Variants in KCNJ6 observed in about 807,000 individuals in gnomAD.
The protein encoded by KCNJ6 is potassium inwardly rectifying channel subfamily J member 6, also known as G protein-activated inward rectifier potassium channel 2.
In KCNJ6, 9 loss-of-function variants were observed where a neutral mutation model predicts 34.2. The observed-to-expected ratio is 0.26, with a 90% CI of 0.16 to 0.46. KCNJ6 has a LOEUF of 0.46. KCNJ6 is among the 20% of genes least tolerant of loss of function. The pLI is 1.00. For synonymous variants in KCNJ6, 196 were observed against 207.1 expected, an observed-to-expected ratio of 0.95 and a Z score of 0.46; for missense variants, 236 against 531.3, an observed-to-expected ratio of 0.44 and a Z score of 5.46.
intron 3 of KCNJ6, among the ~76,000 whole-genome samples, chr21:37,641,601 G>A (rs1475432277): frequency 2.0e-5 from 3 of 152,082 alleles, no homozygotes; most frequent in African/African-American, 7.2e-5. Flanking sequence ...GGGTAAGGGT[G>A]AATGCCCTAC....
intron 3 of KCNJ6, among the ~76,000 whole-genome samples, chr21:37,692,116 G>T (rs1217809902): frequency 6.6e-6 from 1 of 152,072 alleles, no homozygotes; most frequent in Admixed American, 6.6e-5. Context: ...AAACCTAGAT[G>T]ACAGGTTGAT....
At chr21:37,716,443 C>T (rs2054791867) in intron 2 of KCNJ6, among the ~76,000 whole-genome samples, 1 of 151,094 alleles carries the variant, frequency 6.6e-6, no homozygotes, top group Non-Finnish European at 1.5e-5. Context: ...ATAGTGGCAC[C>T]ATCATAGCTC....
At chr21:37,672,253 G>C (rs1455760059) in intron 3 of KCNJ6, among the ~76,000 whole-genome samples, 3 of 152,082 alleles carry the variant, frequency 2.0e-5, no homozygotes, top group African/African-American at 4.8e-5. Context: ...TATAGCTTTA[G>C]CTTCTAGGAA....
At chr21:37,871,920 A>T (rs2123613779) in intron 1 of KCNJ6, among the ~76,000 whole-genome samples, 1 of 152,378 alleles carries the variant, frequency 6.6e-6, no homozygotes, top group East Asian at 1.9e-4. Context: ...ATGGGTTTAG[A>T]ATAAATAACT....
rs371473186 is a variant in KCNJ6 at position 37,807,737 on chromosome 21, A to T, written c.25+32921T>A. Reference sequence around the variant, plus strand: ...CTAAACATATCATCTAGCAATTTGAACTCTCTCTGAATGTATCCCTGTTCC... The same window carrying T: ...CTAAACATATCATCTAGCAATTTGATCTCTCTCTGAATGTATCCCTGTTCC... On this transcript the variant is annotated intron_variant, in intron 2 of 3. Transcript: ENST00000609713. 1.3e-4 allele frequency among the ~76,000 whole-genome samples: 20 copies of T among 151,982 alleles called. No homozygotes were observed. In the South Asian group the frequency reaches 4.2e-3, roughly 32 times the overall value.
chr21:37,915,680 G>A (rs1356667495), intron 1 of KCNJ6, among the ~76,000 whole-genome samples: 1 of 152,202 alleles, frequency 6.6e-6, no homozygotes, highest in Admixed American at 6.5e-5. Flanking sequence ...AATGAAAACC[G>A]TATGAAACAG....
At chr21:37,787,357 G>C (rs138811758) in intron 2 of KCNJ6, among the ~76,000 whole-genome samples, 1 of 152,132 alleles carries the variant, frequency 6.6e-6, no homozygotes, top group Admixed American at 6.5e-5. Context: ...TACATCCCTG[G>C]ACACACAGTG....
In KCNJ6 at chr21:37,871,147, T is replaced by C. The variant is rs1265693875; in HGVS notation, c.-27-30438A>G. ...CTTAGTATGGATGGAGGGGACAGTT[T>C]CAAGTGGATGAGAACTATCATGGCA... On this transcript the variant is annotated intron_variant, in intron 1 of 3. Transcript: ENST00000609713. Among the ~76,000 whole-genome samples the C allele has an allele frequency of 3.9e-5, 6 of 152,158 alleles. No homozygotes were observed. In the East Asian group the frequency reaches 1.2e-3, roughly 29 times the overall value.
At chr21:37,835,745 T>G (rs1405962639) in intron 2 of KCNJ6, among the ~76,000 whole-genome samples, 1 of 152,194 alleles carries the variant, frequency 6.6e-6, no homozygotes, top group Non-Finnish European at 1.5e-5. Context: ...GCTTTCAGTT[T>G]CATTTCAGTC....
Position 37,623,802 on chromosome 21 carries a change from T to C in KCNJ6, c.*1357A>G, listed in dbSNP as rs1474677888. 6.6e-6 allele frequency: 1 copy of C among 152,248 alleles called. No homozygotes were observed. Among genetic ancestry groups the C allele is most frequent in the Non-Finnish European group, 1.5e-5 (1 of 68,048 alleles). 9.4% of individuals were successfully genotyped at this position (152,248 alleles called of 1,614,324 possible). On this transcript the variant is annotated 3_prime_UTR_variant, in exon 4 of 4. Transcript: ENST00000609713. The stretch of plus-strand genomic sequence containing the variant: ...GATCTAATCTTTGAATACTGAACTC[T>C]GGTCATTTCAAAATAATAAAAGATC...
intron 2 of KCNJ6, among the ~76,000 whole-genome samples, chr21:37,813,946 A>G (rs1033993572): frequency 6.9e-6 from 1 of 144,278 alleles, no homozygotes; most frequent in Non-Finnish European, 1.6e-5. Context: ...TGAAGGAAAC[A>G]ATCAACAAAG....
intron 2 of KCNJ6, among the ~76,000 whole-genome samples, chr21:37,806,855 A>G (rs1243167343): frequency 6.6e-6 from 1 of 152,238 alleles, no homozygotes; most frequent in African/African-American, 2.4e-5. Flanking sequence ...CTTAAACTTA[A>G]CTAAGGAATT....
At chr21:37,645,019 T>G (rs1352706977) in intron 3 of KCNJ6, among the ~76,000 whole-genome samples, 1 of 73,274 alleles carries the variant, frequency 1.4e-5, no homozygotes, top group African/African-American at 4.9e-5. Context: ...ACAGGTGGGT[T>G]TTTTTTTTTT....
At chr21:37,631,243 G>A (rs567721992) in intron 3 of KCNJ6, among the ~76,000 whole-genome samples, 55 of 152,182 alleles carry the variant, frequency 3.6e-4, no homozygotes, top group African/African-American at 1.2e-3. Flanking sequence ...GCTTAATATC[G>A]TTCATTGGCC....
intron 1 of KCNJ6, among the ~76,000 whole-genome samples, chr21:37,848,109 G>A (rs967436891): frequency 1.3e-5 from 2 of 152,178 alleles, no homozygotes; most frequent in Admixed American, 1.3e-4. Context: ...CTGCTCAGGA[G>A]GGAGGCCAGG....
intron 3 of KCNJ6, among the ~76,000 whole-genome samples, chr21:37,669,349 G>A (rs917722167): frequency 1.3e-5 from 2 of 152,134 alleles, no homozygotes; most frequent in African/African-American, 2.4e-5. Flanking sequence ...CATGTTCTCC[G>A]GACTTCTTGA....
At chr21:37,816,044 G>T (rs1378731048) in intron 2 of KCNJ6, among the ~76,000 whole-genome samples, 1 of 152,186 alleles carries the variant, frequency 6.6e-6, no homozygotes, top group African/African-American at 2.4e-5. Flanking sequence ...ACAGGAAAGG[G>T]TGTTGGCCAT....
chr21:37,657,545 C>T (rs1038185145), intron 3 of KCNJ6, among the ~76,000 whole-genome samples: 1 of 152,152 alleles, frequency 6.6e-6, no homozygotes, highest in Non-Finnish European at 1.5e-5. Flanking sequence ...AGCACTGAGG[C>T]TGCCTGCTCC....
chr21:37,726,504 C>T (rs538988973), intron 2 of KCNJ6, among the ~76,000 whole-genome samples: 19 of 152,282 alleles, frequency 1.2e-4, no homozygotes, highest in Admixed American at 9.8e-4. Context: ...GGCAAATTGT[C>T]CATGCCACAG....
Sources: gnomAD v4.1 joint callset for allele counts (sites outside exome capture counted in the v4.1 genomes callset) on GRCh38, gnomAD v4.1.1 for gene constraint, MANE v1.5 for transcripts, NCBI Gene and HGNC (gene_info 2026-07-23, HGNC 2026-07-21) for gene names.